TASP1: variants seen among roughly 807,000 people sequenced by gnomAD.
The protein encoded by TASP1 is threonine aspartase 1.
In TASP1, 16 loss-of-function variants were observed where a neutral mutation model predicts 56.6. The ratio of observed to expected loss-of-function variants is 0.28; its 90% CI spans 0.19 to 0.43. The LOEUF (loss-of-function observed/expected upper bound fraction) is 0.43, where lower values mean the gene tolerates loss of function less well. Among genes scored for constraint, TASP1 ranks in the 20% least tolerant of loss-of-function variants. TASP1 has a pLI of 1.00. For synonymous variants in TASP1, 179 were observed against 184.2 expected (o/e 0.97, Z 0.23); for missense variants, 393 against 511.6 (o/e 0.77, Z 2.24).
chr20:13,275,510 T>G, the TASP1 span, among the ~76,000 whole-genome samples: 3 of 152,176 alleles, frequency 2.0e-5, no homozygotes, highest in Non-Finnish European at 4.4e-5. Context: ...GATTGGCTTG[T>G]GTTTGGGATC....
the TASP1 span, among the ~76,000 whole-genome samples, chr20:13,184,296 C>G: frequency 3.9e-5 from 6 of 151,998 alleles, no homozygotes; most frequent in Non-Finnish European, 7.4e-5. Flanking sequence ...TGATGATGAA[C>G]TAACCAAAAC....
the TASP1 span, among the ~76,000 whole-genome samples, chr20:13,331,102 G>A: frequency 6.6e-6 from 1 of 151,966 alleles, no homozygotes; most frequent in African/African-American, 2.4e-5. Flanking sequence ...AGATTGAGTT[G>A]AGCCCTTTCT....
chr20:13,349,528 T>C, the TASP1 span, among the ~76,000 whole-genome samples: 2 of 152,124 alleles, frequency 1.3e-5, no homozygotes, highest in Middle Eastern at 3.2e-3. Flanking sequence ...AGTGTGCAGA[T>C]AATGTAAAAG....
At chr20:13,626,240 C>T (rs1298289527) in intron 2 of TASP1, among the ~76,000 whole-genome samples, 1 of 152,076 alleles carries the variant, frequency 6.6e-6, no homozygotes, top group Non-Finnish European at 1.5e-5. Flanking sequence ...GCCTGGCCAA[C>T]ATGGAGAAAC....
chr20:13,118,128 A>T, the TASP1 span, among the ~76,000 whole-genome samples: 1 of 152,214 alleles, frequency 6.6e-6, no homozygotes, highest in Admixed American at 6.5e-5. Context: ...GTGATAAGGG[A>T]TGTTCTGAAA....
chr20:13,608,286 A>G (rs2048230489), intron 4 of TASP1, among the ~76,000 whole-genome samples: 1 of 152,226 alleles, frequency 6.6e-6, no homozygotes, highest in Admixed American at 6.5e-5. Context: ...GACTGAAAAA[A>G]TCATTTGGGG....
intron 13 of TASP1, 130 bp downstream of exon 13, chr20:13,417,318 G>C: frequency 2.6e-6 from 2 of 777,256 alleles, no homozygotes; most frequent in Non-Finnish European, 4.2e-6. Context: ...TTCTTATTCG[G>C]ATGCTTATGA....
intron 12 of TASP1, among the ~76,000 whole-genome samples, chr20:13,433,841 T>TAAAAAAAAAAA (rs111973613): frequency 3.1e-4 from 36 of 116,150 alleles, no homozygotes; most frequent in African/African-American, 7.4e-4. Flanking sequence ...GTGTTTGTAT[T>TAAAAAAAAAAA]AAAAAAAAAA....
At chr20:13,630,632 T>C in intron 1 of TASP1, among the ~76,000 whole-genome samples, 1 of 131,708 alleles carries the variant, frequency 7.6e-6, no homozygotes. Context: ...GAAGTTGCAG[T>C]GAGCCGAGAT....
the TASP1 span, among the ~76,000 whole-genome samples, chr20:13,175,221 A>T: frequency 6.6e-6 from 1 of 152,204 alleles, no homozygotes; most frequent in Non-Finnish European, 1.5e-5. Flanking sequence ...GTTTCTGGAA[A>T]CATGATGATC....
the TASP1 span, among the ~76,000 whole-genome samples, chr20:13,248,234 A>G: frequency 2.0e-5 from 3 of 152,136 alleles, no homozygotes; most frequent in African/African-American, 2.4e-5. Flanking sequence ...CTTCTTTATG[A>G]ACATTTCTTG....
intron 2 of TASP1, among the ~76,000 whole-genome samples, chr20:13,629,562 C>T (rs1312090046): frequency 4.0e-5 from 6 of 151,654 alleles, no homozygotes; most frequent in Admixed American, 3.9e-4. Context: ...ACCTCCACCT[C>T]CTGGGTTCAA....
chr20:13,399,920 A>C (rs2123641967), intron 13 of TASP1, among the ~76,000 whole-genome samples: 1 of 152,254 alleles, frequency 6.6e-6, no homozygotes, highest in South Asian at 2.1e-4. Context: ...CTCCTACTTG[A>C]GAGTGTTTGC....
At chr20:13,315,956 A>G in the TASP1 span, among the ~76,000 whole-genome samples, 2 of 152,034 alleles carry the variant, frequency 1.3e-5, no homozygotes, top group African/African-American at 4.8e-5. Context: ...AATGAAAATG[A>G]AAACACAACT....
At chr20:13,311,034 A>G in the TASP1 span, among the ~76,000 whole-genome samples, 1 of 152,140 alleles carries the variant, frequency 6.6e-6, no homozygotes, top group Non-Finnish European at 1.5e-5. Flanking sequence ...TCTCTACTGA[A>G]AATACAAAAA....
chr20:13,236,864 T>C, the TASP1 span, among the ~76,000 whole-genome samples: 39 of 152,376 alleles, frequency 2.6e-4, no homozygotes, highest in African/African-American at 8.2e-4. Flanking sequence ...CTTGGGCAGC[T>C]CTGCCCCCGG....
chr20:13,608,272 T>C (rs1044930406), intron 4 of TASP1, among the ~76,000 whole-genome samples: 2 of 152,256 alleles, frequency 1.3e-5, no homozygotes, highest in African/African-American at 4.8e-5. Context: ...GAAACTGTAT[T>C]ACTGACTGAA....
intron 11 of TASP1, among the ~76,000 whole-genome samples, chr20:13,439,610 A>G (rs1306614179): frequency 1.3e-5 from 2 of 152,186 alleles, no homozygotes; most frequent in African/African-American, 4.8e-5. Context: ...TACATATGTA[A>G]CTAACCTGCA....
chr20:13,439,108 G>C (rs1202725711), intron 11 of TASP1, among the ~76,000 whole-genome samples: 1 of 152,148 alleles, frequency 6.6e-6, no homozygotes, highest in Non-Finnish European at 1.5e-5. Flanking sequence ...CGATTCCTCA[G>C]GGATCTAGAA....
Sources: gnomAD v4.1 joint callset for allele counts (sites outside exome capture counted in the v4.1 genomes callset) on GRCh38, gnomAD v4.1.1 for gene constraint, MANE v1.5 for transcripts, NCBI Gene and HGNC (gene_info 2026-07-23, HGNC 2026-07-21) for gene names.